NKAIN3: variants seen among roughly 807,000 people sequenced by gnomAD.
NKAIN3 encodes the protein sodium/potassium transporting ATPase interacting 3, also known as sodium/potassium-transporting ATPase subunit beta-1-interacting protein 3.
In NKAIN3, 25 loss-of-function variants were observed where a neutral mutation model predicts 30.2. That is an observed-to-expected ratio of 0.83 (90% CI 0.60 to 1.16). The LOEUF is 1.16. NKAIN3 is among the 50% of genes most tolerant of loss of function. The pLI is 0.00. For synonymous variants in NKAIN3, 91 were observed against 89.6 expected, an observed-to-expected ratio of 1.02 and a Z score of -0.09; for missense variants, 225 against 254.1, an observed-to-expected ratio of 0.89 and a Z score of 0.78.
At chr8:62,595,135 A>G (rs1448771087) in intron 3 of NKAIN3, among the ~76,000 whole-genome samples, 2 of 151,948 alleles carry the variant, frequency 1.3e-5, no homozygotes, top group African/African-American at 2.4e-5. Flanking sequence ...ATTGGACTTA[A>G]TGAAAAACAT....
At chr8:62,372,208 T>G (rs1211917223) in intron 1 of NKAIN3, among the ~76,000 whole-genome samples, 1 of 147,302 alleles carries the variant, frequency 6.8e-6, no homozygotes, top group Non-Finnish European at 1.5e-5. Context: ...GGCATTTACT[T>G]AAAAAAAGAA....
chr8:62,362,209 C>T (rs1585723290), intron 1 of NKAIN3, among the ~76,000 whole-genome samples: 1 of 152,138 alleles, frequency 6.6e-6, no homozygotes. Context: ...GAATTATTCT[C>T]AAGTAACAGT....
intron 3 of NKAIN3, among the ~76,000 whole-genome samples, chr8:62,685,928 T>C (rs1359317132): frequency 6.6e-6 from 1 of 152,234 alleles, no homozygotes; most frequent in African/African-American, 2.4e-5. Flanking sequence ...GAACTGACTC[T>C]ATATCTGTAT....
At position 62,883,987 on chromosome 8, in the gene NKAIN3, A is replaced by C. The variant is rs185695972; in HGVS notation, c.472-34466A>C. 7.9e-5 allele frequency among the ~76,000 whole-genome samples: 12 copies of C among 152,294 alleles called. No individual in the cohort carries two copies. In the East Asian group the frequency reaches 2.3e-3, roughly 29 times the overall value. ...GATCCTGTGATTTTTCTTCTTTAGCATGCTGATGTGATGAATTACATTAGT... is the reference window on the plus strand; with the variant it reads ...GATCCTGTGATTTTTCTTCTTTAGCCTGCTGATGTGATGAATTACATTAGT... On this transcript the variant is annotated intron_variant, in intron 4 of 6. Transcript: ENST00000623646.
chr8:62,746,883 G>C (rs1171855018), intron 3 of NKAIN3, 49 bp from the exon 4 acceptor site: 2 of 1,334,638 alleles, frequency 1.5e-6, no homozygotes, highest in Non-Finnish European at 2.1e-6. Context: ...TCAAAGACGT[G>C]ATGTAATACA....
At chr8:62,842,788 A>AAG (rs1419174289) in intron 4 of NKAIN3, among the ~76,000 whole-genome samples, 1 of 152,116 alleles carries the variant, frequency 6.6e-6, no homozygotes, top group East Asian at 1.9e-4. Flanking sequence ...TAAATTGTTC[A>AAG]AGGAAAACCA....
chr8:62,890,200 T>TTAC (rs377336717), intron 4 of NKAIN3, among the ~76,000 whole-genome samples: 107 of 152,316 alleles, frequency 7.0e-4, no homozygotes, highest in African/African-American at 2.5e-3. Flanking sequence ...AAGCCAACAT[T>TTAC]TACTAAACAT....
At chr8:62,581,741 C>T (rs1406135957) in intron 2 of NKAIN3, among the ~76,000 whole-genome samples, 1 of 150,808 alleles carries the variant, frequency 6.6e-6, no homozygotes, top group Non-Finnish European at 1.5e-5. Flanking sequence ...TCCTCCCTCC[C>T]TCCATCCATC....
intron 4 of NKAIN3, among the ~76,000 whole-genome samples, chr8:62,886,174 T>C (rs1467673311): frequency 6.6e-6 from 1 of 152,076 alleles, no homozygotes; most frequent in Non-Finnish European, 1.5e-5. Flanking sequence ...TTTTTTTTAG[T>C]GATTGCCCTA....
At chr8:62,536,038 A>T (rs948402507) in intron 1 of NKAIN3, among the ~76,000 whole-genome samples, 1 of 152,158 alleles carries the variant, frequency 6.6e-6, no homozygotes, top group Admixed American at 6.5e-5. Flanking sequence ...CACATATGTC[A>T]TATATGTATA....
chr8:62,449,220 T>C (rs1025922193), intron 1 of NKAIN3, among the ~76,000 whole-genome samples: 3 of 152,032 alleles, frequency 2.0e-5, no homozygotes, highest in African/African-American at 7.2e-5. Context: ...GATTGCACAC[T>C]GTGGCATCAT....
intron 4 of NKAIN3, among the ~76,000 whole-genome samples, chr8:62,826,727 A>C (rs1336533282): frequency 3.3e-5 from 5 of 152,196 alleles, no homozygotes; most frequent in Non-Finnish European, 7.3e-5. Flanking sequence ...AAGGGTACTA[A>C]GCTTTTGGAA....
intron 4 of NKAIN3, among the ~76,000 whole-genome samples, chr8:62,789,142 A>G (rs1333105386): frequency 6.6e-6 from 1 of 151,982 alleles, no homozygotes; most frequent in African/African-American, 2.4e-5. Context: ...CATTTTCACA[A>G]TATTGATTCT....
chr8:62,340,590 A>G (rs933871559), intron 1 of NKAIN3, among the ~76,000 whole-genome samples: 11 of 152,030 alleles, frequency 7.2e-5, no homozygotes, highest in African/African-American at 2.7e-4. Context: ...ACTTTGGAGT[A>G]TGATGCTCTG....
At chr8:62,750,243 G>A (rs1425629588) in intron 4 of NKAIN3, among the ~76,000 whole-genome samples, 1 of 152,004 alleles carries the variant, frequency 6.6e-6, no homozygotes. Flanking sequence ...ACTGACGGAG[G>A]TGGCCAGGAA....
intron 1 of NKAIN3, among the ~76,000 whole-genome samples, chr8:62,418,534 C>T (rs1269345002): frequency 2.0e-5 from 3 of 152,102 alleles, no homozygotes; most frequent in African/African-American, 4.8e-5. Flanking sequence ...TTGATCTTTG[C>T]GATCTCCCCT....
intron 1 of NKAIN3, among the ~76,000 whole-genome samples, chr8:62,378,612 C>T (rs749270684): frequency 7.2e-5 from 11 of 152,190 alleles, no homozygotes; most frequent in Non-Finnish European, 1.3e-4. Flanking sequence ...CAAGGTACAG[C>T]TCAGGCTATT....
At chr8:62,378,822 G>A (rs564746603) in intron 1 of NKAIN3, among the ~76,000 whole-genome samples, 4 of 152,308 alleles carry the variant, frequency 2.6e-5, no homozygotes, top group African/African-American at 9.6e-5. Flanking sequence ...ATGCAGAAGG[G>A]AAATGTGAGT....
intron 4 of NKAIN3, among the ~76,000 whole-genome samples, chr8:62,897,242 T>C (rs958694): frequency 0.31 from 47,204 of 151,970 alleles, 8,109 homozygotes; most frequent in East Asian, 0.69. Flanking sequence ...TGCACATTGG[T>C]TCACCTAAAT....
Sources: allele counts gnomAD v4.1 joint callset (sites outside exome capture counted in the v4.1 genomes callset), GRCh38; gene constraint gnomAD v4.1.1; transcripts MANE v1.5; gene names NCBI Gene and HGNC (gene_info 2026-07-23, HGNC 2026-07-21).